CEP89: variants seen among roughly 807,000 people sequenced by gnomAD.
CEP89 encodes the protein centrosomal protein of 89 kDa.
Under a neutral mutation model 97.6 loss-of-function variants are expected in CEP89, and 95 were observed. The ratio of observed to expected loss-of-function variants is 0.97; its 90% CI spans 0.82 to 1.15. CEP89 has a LOEUF of 1.15. Ranked by LOEUF, CEP89 falls within the 50% of genes most tolerant of loss-of-function variation. The pLI is 0.00. For synonymous variants in CEP89, 354 were observed against 349.1 expected (o/e 1.01, Z -0.16); for missense variants, 869 against 947.7 (o/e 0.92, Z 1.09).
intron 1 of CEP89, chr19:32,971,325 G>A: frequency 4.8e-6 from 2 of 418,096 alleles, no homozygotes; most frequent in South Asian, 8.9e-5. Flanking sequence ...TCCGGGCACG[G>A]GGACGAATGC....
chr19:32,952,903 CAAAAAAAA>C (rs34455504), intron 4 of CEP89, among the ~76,000 whole-genome samples: 2 of 48,788 alleles, frequency 4.1e-5, no homozygotes, highest in African/African-American at 8.9e-5. Flanking sequence ...GACTCTGTCT[CAAAAAAAA>C]AAAAAAAAAA....
chr19:32,882,779 G>A (rs1268292299), intron 17 of CEP89, among the ~76,000 whole-genome samples: 1 of 152,156 alleles, frequency 6.6e-6, no homozygotes, highest in African/African-American at 2.4e-5. Flanking sequence ...AGACAGCTGA[G>A]ATGAAAGCCC....
intron 7 of CEP89, 89 bp from the exon 8 acceptor site, chr19:32,933,758 T>A (rs1011073585): frequency 8.2e-6 from 7 of 853,004 alleles, no homozygotes; most frequent in South Asian, 3.0e-5. Context: ...AAAAACCACA[T>A]CAGGCCTGGT....
At chr19:32,891,244 T>C (rs1412963338) in intron 16 of CEP89, among the ~76,000 whole-genome samples, 2 of 152,126 alleles carry the variant, frequency 1.3e-5, no homozygotes, top group Non-Finnish European at 2.9e-5. Context: ...AATGCCTCCA[T>C]TGCCAAAGCA....
At chr19:32,894,877 A>T (rs1026495210) in intron 16 of CEP89, among the ~76,000 whole-genome samples, 6 of 152,210 alleles carry the variant, frequency 3.9e-5, no homozygotes, top group African/African-American at 1.4e-4. Context: ...TTCTTTTGTG[A>T]AGTCAAGAAC....
At chr19:32,882,162 T>C (rs984759263) in intron 17 of CEP89, 149 bp from the exon 18 acceptor site, 2 of 656,456 alleles carry the variant, frequency 3.0e-6, no homozygotes, top group Non-Finnish European at 5.1e-6. Context: ...ATTGCAAGTC[T>C]GGATCATAAA....
At chr19:32,962,007 C>G (rs1403566478) in intron 2 of CEP89, among the ~76,000 whole-genome samples, 3 of 150,962 alleles carry the variant, frequency 2.0e-5, no homozygotes, top group African/African-American at 7.3e-5. Context: ...TAACTAATAG[C>G]CTTACCATCA....
Position 32,953,635 on chromosome 19 carries a change from C to A in CEP89, c.472G>T (p.Ala158Ser), listed in dbSNP as rs569909161. The A allele has an allele frequency of 1.2e-6, 2 of 1,613,146 alleles. No homozygotes were observed. The highest frequency in any genetic ancestry group is 1.3e-5 in the African/African-American group (1 of 75,024). Residue 158 changes from alanine (A) to serine (S), a missense_variant, in exon 4 of 19, where the codon GCT becomes TCT. Physicochemically the swap from Ala to Ser is moderately conservative, Grantham distance 99 (BLOSUM62 1). Transcript: ENST00000305768. ...DRGGHSDDLY[A>S]VPHRNQVPLL... is the part of the protein sequence containing the mutation. ...AACACCTGATTTCTGTGTGGCACAGCGTACAGGTCATCACTGTGGCCTCCT... is the reference window on the plus strand; with the variant it reads ...AACACCTGATTTCTGTGTGGCACAGAGTACAGGTCATCACTGTGGCCTCCT...
rs1227448178 is a variant in CEP89, at chr19:32,876,432, G to A, written c.*2730C>T. The A allele has an allele frequency of 6.5e-6, 1 of 152,798 alleles. No individual in the cohort carries two copies. Among genetic ancestry groups the A allele is most frequent in the Non-Finnish European group, 1.5e-5 (1 of 68,568 alleles). The allele number at this position is 152,798 out of a possible 1,614,324, so 9.5% of individuals were successfully genotyped here. Reference sequence around the variant, plus strand: ...TCAGACCAGACACTTGCAGCATGGGGAAGGAGGAGCCCCTCCCAGCAGACC... The same window carrying A: ...TCAGACCAGACACTTGCAGCATGGGAAAGGAGGAGCCCCTCCCAGCAGACC... On this transcript the variant is annotated 3_prime_UTR_variant, in exon 19 of 19. Coordinates refer to ENST00000305768, the MANE Select transcript of CEP89 (RefSeq NM_032816.5).
chr19:32,933,668 A>G lies in CEP89; in HGVS notation c.669T>C (p.Asp223=). Residue 223 remains aspartate, a splice_region_variant and synonymous_variant, in exon 8 of 19, where the codon GAT becomes GAC. Transcript: ENST00000305768. ...PLCEKPPPSP[D]ITGRARQRYT... ...ATCTTTGACGTGCTCTACCAGTTAT[A>G]TCTGAAAGGGTTCAGGGGAAAATTT... 1 of 1,590,906 alleles carries G rather than the reference A, an allele frequency of 6.3e-7. No individual in the cohort carries two copies. Among genetic ancestry groups the G allele is most frequent in the Non-Finnish European group, 8.6e-7 (1 of 1,160,692 alleles).
chr19:32,930,886 A>ATT (rs5827826), intron 9 of CEP89, among the ~76,000 whole-genome samples: 5 of 149,666 alleles, frequency 3.3e-5, no homozygotes, highest in Admixed American at 2.7e-4. Flanking sequence ...TACTTTTGTT[A>ATT]TTTTTTTTTT....
At chr19:32,908,050 CTG>C (rs35758190) in intron 14 of CEP89, among the ~76,000 whole-genome samples, 24,820 of 152,206 alleles carry the variant, frequency 0.16, 2,250 homozygotes, top group Non-Finnish European at 0.21. Context: ...CATCTAGCCT[CTG>C]TGTGCAGGAG....
rs1970380918 is a variant in CEP89 at position 32,927,271 on chromosome 19, G to C, written c.1030-287C>G. Among the ~76,000 whole-genome samples the C allele has an allele frequency of 2.6e-5, 4 of 151,998 alleles. No homozygotes were observed. In the South Asian group the frequency reaches 8.3e-4, roughly 32 times the overall value. On this transcript the variant is annotated intron_variant, in intron 9 of 18. Transcript: ENST00000305768. ...GAAATATTTTTTCTGAAATGTTTTA[G>C]AGTAATTTGCAGATATAATGCCCCT...
chr19:32,935,872 C>T (rs1489677750), intron 7 of CEP89, among the ~76,000 whole-genome samples: 1 of 152,170 alleles, frequency 6.6e-6, no homozygotes, highest in African/African-American at 2.4e-5. Context: ...CCACCATAGG[C>T]TCCGAAGTGC....
chr19:32,887,684 A>G (rs1776912329), intron 17 of CEP89, 68 bp downstream of exon 17: 1 of 948,592 alleles, frequency 1.1e-6, no homozygotes, highest in Non-Finnish European at 1.7e-6. Flanking sequence ...CTTAAACACA[A>G]AAATCCACAG....
intron 12 of CEP89, among the ~76,000 whole-genome samples, chr19:32,922,613 C>G (rs995583955): frequency 3.3e-5 from 5 of 152,044 alleles, no homozygotes; most frequent in African/African-American, 1.2e-4. Flanking sequence ...TTTGGGAGGC[C>G]AAGGTGGGCA....
intron 4 of CEP89, among the ~76,000 whole-genome samples, chr19:32,951,354 C>T (rs1004218398): frequency 6.1e-4 from 92 of 151,918 alleles, no homozygotes; most frequent in Non-Finnish European, 8.5e-4. Flanking sequence ...GGCATGGTGG[C>T]GGGCACCTGT....
intron 2 of CEP89, among the ~76,000 whole-genome samples, chr19:32,960,484 TTAGAG>T (rs1971143824): frequency 6.6e-6 from 1 of 152,108 alleles, no homozygotes; most frequent in South Asian, 2.1e-4. Flanking sequence ...TACAGGAAAG[TTAGAG>T]TAAACAGATT....
intron 11 of CEP89, among the ~76,000 whole-genome samples, chr19:32,924,193 T>C (rs1235484442): frequency 3.9e-5 from 6 of 152,192 alleles, no homozygotes; most frequent in East Asian, 3.9e-4. Context: ...GGTTTCGCCA[T>C]GTTACTCAAG....
Sources: allele counts gnomAD v4.1 joint callset (sites outside exome capture counted in the v4.1 genomes callset), GRCh38; gene constraint gnomAD v4.1.1; transcripts MANE v1.5; gene names NCBI Gene and HGNC (gene_info 2026-07-23, HGNC 2026-07-21).